The following TENM2 variants were observed in gnomAD, a reference collection of about 807,000 sequenced individuals.
The protein encoded by TENM2 is teneurin transmembrane protein 2, also known as teneurin-2.
Under a neutral mutation model 245.2 loss-of-function variants are expected in TENM2, and 52 were observed. That is an observed-to-expected ratio of 0.21 (90% CI 0.17 to 0.27). TENM2 has a LOEUF of 0.27. Ranked by LOEUF, TENM2 falls within the 10% of genes least tolerant of loss-of-function variation. The probability of loss-of-function intolerance (pLI) is 1.00; values close to 1 mark genes in which losing one functional copy is unlikely to be tolerated. For synonymous variants in TENM2, 1,363 were observed against 1,438.9 expected, an observed-to-expected ratio of 0.95 and a Z score of 1.19; for missense variants, 3,046 against 3,666.8, an observed-to-expected ratio of 0.83 and a Z score of 4.37.
intron 6 of TENM2, among the ~76,000 whole-genome samples, chr5:168,058,389 C>G (rs1348908894): frequency 1.3e-5 from 2 of 152,168 alleles, no homozygotes; most frequent in African/African-American, 4.8e-5. Context: ...TCAGGGAGCA[C>G]AGTGTCCAGA....
In TENM2 at chr5:167,519,946, G is replaced by T. The variant is rs796227911; in HGVS notation, c.502+144473G>T. ...ACAAATCATTTCAGATGTAGCAAAT[G>T]AATACTTTAAGATGTATTTGAAAAT... On this transcript the variant is annotated intron_variant, in intron 2 of 28. Transcript: ENST00000518659. Among the ~76,000 whole-genome samples the T allele has an allele frequency of 9.9e-5, 15 of 152,236 alleles. No homozygotes were observed. In the South Asian group the frequency reaches 2.9e-3, roughly 29 times the overall value.
intron 3 of TENM2, among the ~76,000 whole-genome samples, chr5:167,923,683 A>G (rs977704171): frequency 1.3e-5 from 2 of 152,142 alleles, no homozygotes; most frequent in African/African-American, 4.8e-5. Context: ...AAATGTTTTA[A>G]CTTCCATTTT....
the TENM2 span, among the ~76,000 whole-genome samples, chr5:167,240,215 C>T: frequency 6.6e-6 from 1 of 151,552 alleles, no homozygotes; most frequent in African/African-American, 2.4e-5. Context: ...CATCATTCCT[C>T]TAAAGAACAG....
chr5:167,017,711 T>G, the TENM2 span, among the ~76,000 whole-genome samples: 4 of 152,348 alleles, frequency 2.6e-5, no homozygotes, highest in African/African-American at 9.6e-5. Context: ...TTATAACTAT[T>G]AAAGCTTTAG....
chr5:167,295,987 C>A (rs1754927463), intron 1 of TENM2, among the ~76,000 whole-genome samples: 1 of 152,136 alleles, frequency 6.6e-6, no homozygotes, highest in Non-Finnish European at 1.5e-5. Context: ...GTCCAACAGA[C>A]TTTTATAACA....
chr5:167,626,867 G>A (rs907818459), intron 2 of TENM2, among the ~76,000 whole-genome samples: 1 of 152,074 alleles, frequency 6.6e-6, no homozygotes, highest in East Asian at 1.9e-4. Context: ...ATCCCCAAAG[G>A]CAGTAACACC....
chr5:168,017,174 G>C (rs1238035936), intron 5 of TENM2, among the ~76,000 whole-genome samples: 1 of 152,182 alleles, frequency 6.6e-6, no homozygotes, highest in African/African-American at 2.4e-5. Flanking sequence ...GACAATTGAT[G>C]ATTGATGTTA....
chr5:167,627,339 G>A lies in TENM2; in HGVS notation c.503-248647G>A, dbSNP rs573050806. 5.3e-5 allele frequency among the ~76,000 whole-genome samples: 8 copies of A among 152,238 alleles called. No individual in the cohort carries two copies. In the East Asian group the frequency reaches 1.5e-3, roughly 29 times the overall value. On this transcript the variant is annotated intron_variant, in intron 2 of 28. Coordinates refer to ENST00000518659, the Ensembl canonical transcript of TENM2. ...TCAGTATATGAGTTCCCTTTGAAAA[G>A]AGAGAATGTGAGGTCCTATTATCAA...
chr5:167,502,845 G>A (rs1562007752), intron 2 of TENM2, among the ~76,000 whole-genome samples: 1 of 152,146 alleles, frequency 6.6e-6, no homozygotes, highest in Admixed American at 6.5e-5. Flanking sequence ...ATATAAAAAT[G>A]TCTGCTAATT....
At chr5:167,925,127 G>A (rs192260352) in intron 3 of TENM2, among the ~76,000 whole-genome samples, 33 of 152,192 alleles carry the variant, frequency 2.2e-4, no homozygotes, top group African/African-American at 2.6e-4. Flanking sequence ...TAAATCAAAC[G>A]TCTATCCACA....
At chr5:168,110,279 C>T (rs1206537522) in intron 9 of TENM2, among the ~76,000 whole-genome samples, 1 of 151,956 alleles carries the variant, frequency 6.6e-6, no homozygotes, top group Admixed American at 6.6e-5. Context: ...TACAAAGTGA[C>T]CAGTTGGAAT....
At chr5:168,064,201 G>T (rs938887996) in intron 7 of TENM2, among the ~76,000 whole-genome samples, 1 of 152,158 alleles carries the variant, frequency 6.6e-6, no homozygotes, top group Non-Finnish European at 1.5e-5. Flanking sequence ...TATGCAAATT[G>T]TTAAGTGGTG....
At chr5:167,057,114 C>A in the TENM2 span, among the ~76,000 whole-genome samples, 1 of 152,106 alleles carries the variant, frequency 6.6e-6, no homozygotes, top group South Asian at 2.1e-4. Context: ...GTCCAGTCTA[C>A]TAATGGGCCA....
chr5:167,217,335 T>TA, the TENM2 span, among the ~76,000 whole-genome samples: 164 of 152,204 alleles, frequency 1.1e-3, no homozygotes, highest in African/African-American at 3.4e-3. Context: ...CAATTATTAT[T>TA]AAAAAAAGAA....
intron 3 of TENM2, among the ~76,000 whole-genome samples, chr5:167,888,339 T>G (rs1276770281): frequency 2.0e-5 from 3 of 152,224 alleles, no homozygotes; most frequent in Non-Finnish European, 4.4e-5. Context: ...TCTCATTTCG[T>G]TCTATGCATT....
chr5:167,963,762 T>G (rs1781185687), intron 4 of TENM2, among the ~76,000 whole-genome samples: 1 of 152,050 alleles, frequency 6.6e-6, no homozygotes, highest in Non-Finnish European at 1.5e-5. Context: ...ATGAAGCATG[T>G]TAGATCTTCT....
chr5:167,164,089 T>C, the TENM2 span, among the ~76,000 whole-genome samples: 1 of 152,114 alleles, frequency 6.6e-6, no homozygotes, highest in Non-Finnish European at 1.5e-5. Context: ...AAACTGTGTG[T>C]CCTAGTGTGG....
Position 167,929,126 on chromosome 5 carries a change from AAAGAAAAGAAAGAAGGG to A in TENM2, c.713-23460_713-23444del, listed in dbSNP as rs1561946249. Among the ~76,000 whole-genome samples the A allele has an allele frequency of 9.8e-5, 12 of 122,352 alleles. No individual in the cohort carries two copies. In the South Asian group the frequency reaches 1.5e-3, roughly 15 times the overall value. The allele number at this position is 122,352 out of a possible 152,430, so 80.3% of individuals were successfully genotyped here. On this transcript the variant is annotated intron_variant, in intron 3 of 28. Coordinates refer to ENST00000518659, the Ensembl canonical transcript of TENM2. ...GAAAGAAAGAAAGAAAGAAAGAAAG[AAAGAAAAGAAAGAAGGG>A]AGGGAGGGAGGGAAGGAAGGAAAGA...
At chr5:167,068,149 G>A in the TENM2 span, among the ~76,000 whole-genome samples, 536 of 152,280 alleles carry the variant, frequency 3.5e-3, 2 homozygotes, top group African/African-American at 7.3e-3. Context: ...CAGCATCACC[G>A]TTCTTAAGTG....
Sources: allele counts gnomAD v4.1 joint callset (sites outside exome capture counted in the v4.1 genomes callset), GRCh38; gene constraint gnomAD v4.1.1; transcripts MANE v1.5; gene names NCBI Gene and HGNC (gene_info 2026-07-23, HGNC 2026-07-21).